The following KIAA0319 variants were observed in gnomAD, a reference collection of about 807,000 sequenced individuals.
KIAA0319 encodes the protein dyslexia-associated protein KIAA0319.
A neutral mutation model predicts 108.4 loss-of-function variants in KIAA0319; 83 were observed. The ratio of observed to expected loss-of-function variants is 0.77; its 90% confidence interval spans 0.64 to 0.92. The LOEUF is 0.92. KIAA0319 is among the 40% of genes least tolerant of loss of function. The pLI is 0.00. For synonymous variants in KIAA0319, 484 were observed against 510.4 expected (o/e 0.95, Z 0.70); for missense variants, 1,195 against 1,322.4 (o/e 0.90, Z 1.49).
chr6:24,600,536 A>C, intron 2 of KIAA0319: 5 of 771,718 alleles, frequency 6.5e-6, no homozygotes, highest in Admixed American at 6.1e-5. Flanking sequence ...GGTTATCTTC[A>C]TTATGGCTGT....
At chr6:24,624,514 T>C (rs1363102714) in intron 1 of KIAA0319, among the ~76,000 whole-genome samples, 1 of 151,920 alleles carries the variant, frequency 6.6e-6, no homozygotes, top group Non-Finnish European at 1.5e-5. Context: ...ATACATGATA[T>C]ATAAGAAACA....
At chr6:24,621,467 C>CA (rs1773918816) in intron 1 of KIAA0319, among the ~76,000 whole-genome samples, 1 of 151,996 alleles carries the variant, frequency 6.6e-6, no homozygotes, top group Non-Finnish European at 1.5e-5. Context: ...ACAGCCCACA[C>CA]AAAAAATATA....
Position 24,599,699 on chromosome 6 carries a change from C to T in KIAA0319, c.55+1350G>A. 1 of 599,046 alleles carries T rather than the reference C, an allele frequency of 1.7e-6. No homozygotes were observed. Among genetic ancestry groups the T allele is most frequent in the Non-Finnish European group, 3.1e-6 (1 of 325,498 alleles). The allele number at this position is 599,046 out of a possible 1,614,324, so 37.1% of individuals were successfully genotyped here. On this transcript the variant is annotated intron_variant, in intron 2 of 20. Transcript: ENST00000378214. The surrounding 1 kb of genome is among the most constrained non-coding windows in gnomAD (Gnocchi z 4.1). ...GCGGGTGCTCCAGCTCCTTCAGCAG[C>T]ACCAACTCCTTCAGGGCCATGGTTG...
chr6:24,566,016 G>T (rs1763859719), intron 14 of KIAA0319, among the ~76,000 whole-genome samples: 1 of 152,124 alleles, frequency 6.6e-6, no homozygotes, highest in South Asian at 2.1e-4. Flanking sequence ...GTCTGTTCAG[G>T]AAAAAGTCAG....
intron 2 of KIAA0319, chr6:24,600,827 T>C: frequency 1.3e-6 from 1 of 761,728 alleles, no homozygotes. Context: ...ATATGAAATG[T>C]GATTTTATTT....
intron 1 of KIAA0319, among the ~76,000 whole-genome samples, chr6:24,616,424 C>T (rs150183996): frequency 0.026 from 4,004 of 152,302 alleles, 94 homozygotes; most frequent in Non-Finnish European, 0.042. Context: ...GTGGCGCCAT[C>T]TCGGCTCACT....
chr6:24,600,413 G>C lies in KIAA0319; in HGVS notation c.55+636C>G, dbSNP rs186623954. On this transcript the variant is annotated intron_variant, in intron 2 of 20. Transcript: ENST00000378214. ...TATAAAATGGTGCTGCCCAAAATTT[G>C]GGTGCTTCTGAATCATCTCCAGGTG... is the stretch of plus-strand genomic sequence containing the variant. Among the ~76,000 whole-genome samples, 4 of 152,178 alleles carry C rather than the reference G, an allele frequency of 2.6e-5. No individual in the cohort carries two copies. In the East Asian group the frequency reaches 7.7e-4, roughly 29 times the overall value.
chr6:24,583,508 T>G, intron 5 of KIAA0319, 96 bp downstream of exon 5: 1 of 822,324 alleles, frequency 1.2e-6, no homozygotes, highest in Non-Finnish European at 2.0e-6. Context: ...CGTGCAATAC[T>G]GTGAAAAAGA....
chr6:24,611,167 G>GT (rs1334310069), intron 1 of KIAA0319, among the ~76,000 whole-genome samples: 2 of 149,950 alleles, frequency 1.3e-5, no homozygotes, highest in African/African-American at 2.4e-5. Flanking sequence ...AAGATGTACA[G>GT]TTTTTGCTTT....
In KIAA0319 at chr6:24,594,131, G is replaced by A. The variant is rs530366698; in HGVS notation, c.801+1742C>T. On this transcript the variant is annotated intron_variant, in intron 3 of 20. Coordinates refer to ENST00000378214, the MANE Select transcript of KIAA0319 (RefSeq NM_014809.4). ...GGAGAATCACTTGAACCTGGGCAGCGGAGGTTGCAGTAAGCCAAGACCATG... is the reference window on the plus strand; with the variant it reads ...GGAGAATCACTTGAACCTGGGCAGCAGAGGTTGCAGTAAGCCAAGACCATG... 7.8e-5 allele frequency among the ~76,000 whole-genome samples: 10 copies of A among 128,226 alleles called. 1 individual carries two copies. In the East Asian group the frequency reaches 2.5e-3, roughly 32 times the overall value. 84.1% of individuals were successfully genotyped at this position (128,226 alleles called of 152,430 possible).
Position 24,601,191 on chromosome 6 carries a change from C to A in KIAA0319, c.-88G>T. 6.4e-7 allele frequency: 1 copy of A among 1,559,716 alleles called. No homozygotes were observed. The highest frequency in any genetic ancestry group is 8.7e-7 in the Non-Finnish European group (1 of 1,151,928). On this transcript the variant is annotated 5_prime_UTR_variant, in exon 2 of 21. Coordinates refer to ENST00000378214, the MANE Select transcript of KIAA0319 (RefSeq NM_014809.4). ...GCTTCCTTTGATGTTTTTTAGGAGCCAGATTTGGCCTCAAGAACTTCAAAG... is the reference window on the plus strand; with the variant it reads ...GCTTCCTTTGATGTTTTTTAGGAGCAAGATTTGGCCTCAAGAACTTCAAAG...
intron 19 of KIAA0319, among the ~76,000 whole-genome samples, chr6:24,552,010 T>C (rs894433220): frequency 6.6e-6 from 1 of 152,032 alleles, no homozygotes; most frequent in African/African-American, 2.4e-5. Context: ...TCCCCACCTT[T>C]TTCTTTTTTT....
intron 1 of KIAA0319, among the ~76,000 whole-genome samples, chr6:24,605,842 A>C (rs1043349842): frequency 6.6e-6 from 1 of 152,176 alleles, no homozygotes. Flanking sequence ...AATAAAATAC[A>C]CTTATAGATT....
At chr6:24,555,427 G>A (rs1762135941) in intron 18 of KIAA0319, among the ~76,000 whole-genome samples, 1 of 149,574 alleles carries the variant, frequency 6.7e-6, no homozygotes, top group African/African-American at 2.5e-5. Context: ...AACCCAGGAG[G>A]CAGAGGTTGC....
chr6:24,549,399 GC>G (rs965032919), intron 20 of KIAA0319, among the ~76,000 whole-genome samples: 35 of 151,610 alleles, frequency 2.3e-4, no homozygotes, highest in African/African-American at 7.0e-4. Flanking sequence ...CAGTGAGGAG[GC>G]ACCAACTATG....
intron 1 of KIAA0319, among the ~76,000 whole-genome samples, chr6:24,627,646 G>A (rs1355442947): frequency 6.6e-6 from 1 of 152,132 alleles, no homozygotes; most frequent in Non-Finnish European, 1.5e-5. Context: ...ATAAAGAAAT[G>A]AACACGATGT....
chr6:24,553,768 A>C (rs1761915012), intron 19 of KIAA0319, among the ~76,000 whole-genome samples: 1 of 152,190 alleles, frequency 6.6e-6, no homozygotes, highest in African/African-American at 2.4e-5. Context: ...TCTTCATAAA[A>C]GACCCAAGAC....
At chr6:24,565,104 T>G (rs1197726431) in intron 14 of KIAA0319, among the ~76,000 whole-genome samples, 1 of 151,666 alleles carries the variant, frequency 6.6e-6, no homozygotes, top group Non-Finnish European at 1.5e-5. Context: ...TACAAAAAAA[T>G]TAGACAGGCG....
At chr6:24,625,868 A>G (rs1001022010) in intron 1 of KIAA0319, among the ~76,000 whole-genome samples, 28 of 152,260 alleles carry the variant, frequency 1.8e-4, no homozygotes, top group African/African-American at 6.3e-4. Context: ...CAAAAGAAGT[A>G]TAAGTCTTGT....
Sources: allele counts gnomAD v4.1 joint callset (sites outside exome capture counted in the v4.1 genomes callset), GRCh38; gene constraint gnomAD v4.1.1; non-coding constraint Gnocchi (gnomAD v3.1); transcripts MANE v1.5; gene names NCBI Gene and HGNC (gene_info 2026-07-23, HGNC 2026-07-21).